NLGN1: variants seen among roughly 807,000 people sequenced by gnomAD.
NLGN1 encodes the protein neuroligin-1.
Under a neutral mutation model 65.5 loss-of-function variants are expected in NLGN1, and 12 were observed. That is an observed-to-expected ratio of 0.18 (90% CI 0.12 to 0.30). The LOEUF (loss-of-function observed/expected upper bound fraction) is 0.30. Among genes scored for constraint, NLGN1 ranks in the 10% least tolerant of loss-of-function variants. The pLI, the probability that NLGN1 is intolerant of heterozygous loss-of-function variation, is 1.00. For missense variants in NLGN1, 750 were observed against 1,007.1 expected (o/e 0.74, Z 3.46); for synonymous variants, 350 against 359.5 (o/e 0.97, Z 0.30).
At chr3:174,215,274 A>G (rs987386990) in intron 4 of NLGN1, among the ~76,000 whole-genome samples, 3 of 152,202 alleles carry the variant, frequency 2.0e-5, no homozygotes, top group African/African-American at 7.2e-5. Flanking sequence ...TTTAACTGCT[A>G]TCATATAGGC....
In NLGN1 at chr3:174,083,939, C is replaced by T. The variant is rs191903860; in HGVS notation, c.647-191376C>T. On this transcript the variant is annotated intron_variant, in intron 4 of 6. Transcript: ENST00000457714. ...AAACCACGACCACAACAAAACCAAG[C>T]ACTGTTCATTCTGTAGAGGGATAAA... 3.7e-3 allele frequency among the ~76,000 whole-genome samples: 570 copies of T among 152,266 alleles called. 1 individual carries two copies. Among genetic ancestry groups the T allele is most frequent in the Non-Finnish European group, 5.2e-3 (352 of 68,012 alleles).
In NLGN1 at chr3:174,279,529, C is replaced by A; in HGVS notation, c.1528C>A (p.Pro510Thr). The stretch of plus-strand genomic sequence containing the variant: ...TGATGCAGCCCACGGAGACGAGGTT[C>A]CCTATGTACTGGGAATCCCCATGAT... Residue 510 changes from proline to threonine, a missense_variant, in exon 6 of 7, where the codon CCC (proline) becomes ACC (threonine). Transcript: ENST00000457714. The surrounding 1 kb of genome is among the most constrained non-coding windows in gnomAD (Gnocchi z 4.7). 6.2e-7 allele frequency: 1 copy of A among 1,613,132 alleles called. No individual in the cohort carries two copies. The highest frequency in any genetic ancestry group is 8.5e-7 in the Non-Finnish European group (1 of 1,179,514).
intron 2 of NLGN1, among the ~76,000 whole-genome samples, chr3:173,548,465 G>A (rs1056876073): frequency 2.7e-5 from 4 of 147,688 alleles, no homozygotes; most frequent in African/African-American, 1.0e-4. Context: ...GGAACCCAGA[G>A]TGATACCAGC....
intron 4 of NLGN1, among the ~76,000 whole-genome samples, chr3:173,977,458 G>C (rs952036802): frequency 1.1e-4 from 17 of 152,154 alleles, no homozygotes; most frequent in African/African-American, 3.9e-4. Flanking sequence ...TGACAAGGCG[G>C]GTAGAAGTTG....
At chr3:174,089,440 C>A (rs529240880) in intron 4 of NLGN1, among the ~76,000 whole-genome samples, 1 of 152,130 alleles carries the variant, frequency 6.6e-6, no homozygotes, top group East Asian at 1.9e-4. Flanking sequence ...GACATAAAAC[C>A]TAGAGTCCAC....
chr3:173,706,717 G>T (rs1425702979), intron 3 of NLGN1, among the ~76,000 whole-genome samples: 2 of 152,198 alleles, frequency 1.3e-5, no homozygotes, highest in East Asian at 3.8e-4. Context: ...TCGATCTACA[G>T]ATATGAATAT....
intron 4 of NLGN1, among the ~76,000 whole-genome samples, chr3:174,193,477 C>A (rs1328244783): frequency 6.6e-6 from 1 of 152,088 alleles, no homozygotes; most frequent in African/African-American, 2.4e-5. Flanking sequence ...TTTTGAACTG[C>A]GAGGTTTCAA....
At chr3:173,811,218 G>T (rs1717844418) in intron 4 of NLGN1, among the ~76,000 whole-genome samples, 1 of 152,048 alleles carries the variant, frequency 6.6e-6, no homozygotes, top group South Asian at 2.1e-4. Flanking sequence ...ATTATTGTTA[G>T]TAGGGTATTT....
chr3:173,970,075 TC>T, intron 4 of NLGN1, among the ~76,000 whole-genome samples: 1 of 152,186 alleles, frequency 6.6e-6, no homozygotes, highest in East Asian at 1.9e-4. Flanking sequence ...AGTTACAGTT[TC>T]TTTTTTAACT....
At chr3:173,996,972 G>A (rs1013742916) in intron 4 of NLGN1, among the ~76,000 whole-genome samples, 8 of 151,974 alleles carry the variant, frequency 5.3e-5, no homozygotes, top group African/African-American at 1.9e-4. Context: ...ATCTATACAA[G>A]ACAATGTTTT....
intron 4 of NLGN1, among the ~76,000 whole-genome samples, chr3:174,129,354 A>AACACACACACACACAC (rs61122760): frequency 1.0e-4 from 12 of 116,780 alleles, no homozygotes; most frequent in Non-Finnish European, 1.7e-4. Context: ...CCCGGTTTAC[A>AACACACACACACACAC]ACACACACAC....
At chr3:173,516,844 G>A (rs1733895176) in intron 2 of NLGN1, among the ~76,000 whole-genome samples, 1 of 151,962 alleles carries the variant, frequency 6.6e-6, no homozygotes, top group Non-Finnish European at 1.5e-5. Context: ...AAATTACTGA[G>A]TATAAAACCT....
chr3:173,522,947 T>A (rs1197978567), intron 2 of NLGN1, among the ~76,000 whole-genome samples: 1 of 151,926 alleles, frequency 6.6e-6, no homozygotes, highest in Non-Finnish European at 1.5e-5. Flanking sequence ...GTTTTTTGAC[T>A]TTGTAGTAAT....
At chr3:173,495,796 TG>T in intron 2 of NLGN1, among the ~76,000 whole-genome samples, 1 of 151,658 alleles carries the variant, frequency 6.6e-6, no homozygotes, top group East Asian at 1.9e-4. Flanking sequence ...AAATTTCTCT[TG>T]TACCCCATAC....
intron 3 of NLGN1, among the ~76,000 whole-genome samples, chr3:173,803,982 T>C (rs1326515773): frequency 1.3e-5 from 2 of 152,316 alleles, no homozygotes; most frequent in South Asian, 2.1e-4. Context: ...TCACTAATAA[T>C]TATTCACTAA....
intron 4 of NLGN1, among the ~76,000 whole-genome samples, chr3:174,184,911 G>A (rs1448128332): frequency 6.6e-6 from 1 of 152,114 alleles, no homozygotes; most frequent in Non-Finnish European, 1.5e-5. Flanking sequence ...GAAGTCCAGA[G>A]TGGACAGATC....
chr3:173,445,827 A>C (rs960038729), intron 2 of NLGN1, among the ~76,000 whole-genome samples: 1 of 152,288 alleles, frequency 6.6e-6, no homozygotes, highest in East Asian at 1.9e-4. Flanking sequence ...TTAAGTTCAC[A>C]CTGACCAACC....
At chr3:173,943,877 A>G (rs1746625771) in intron 4 of NLGN1, among the ~76,000 whole-genome samples, 1 of 152,170 alleles carries the variant, frequency 6.6e-6, no homozygotes, top group Non-Finnish European at 1.5e-5. Context: ...TGCAGCTGCT[A>G]AAGAATTATT....
chr3:174,262,078 C>T (rs1437775174), intron 4 of NLGN1, among the ~76,000 whole-genome samples: 28 of 127,864 alleles, frequency 2.2e-4, no homozygotes, highest in Non-Finnish European at 3.5e-4. Context: ...CTGCTGGATT[C>T]GTTTTGCCAG....
Sources: gnomAD v4.1 joint callset for allele counts (sites outside exome capture counted in the v4.1 genomes callset) on GRCh38, gnomAD v4.1.1 for gene constraint, Gnocchi (gnomAD v3.1) non-coding constraint, MANE v1.5 for transcripts, NCBI Gene and HGNC (gene_info 2026-07-23, HGNC 2026-07-21) for gene names.